FGF13: variants seen among roughly 807,000 people sequenced by gnomAD.
FGF13 encodes fibroblast growth factor 13, also known as fibroblast growth factor homologous factor 2.
A neutral mutation model predicts 19.5 loss-of-function variants in FGF13; 2 were observed. The ratio of observed to expected loss-of-function variants is 0.10; its 90% CI spans 0.04 to 0.32. The LOEUF (loss-of-function observed/expected upper bound fraction) is 0.32. Ranked by LOEUF, FGF13 falls within the 10% of genes least tolerant of loss-of-function variation. The pLI is 1.00. For synonymous variants in FGF13, 72 were observed against 76.9 expected (o/e 0.94, Z 0.33); for missense variants, 113 against 192.7 (o/e 0.59, Z 2.45).
intron 1 of FGF13, among the ~76,000 whole-genome samples, chrX:139,155,107 C>G (rs904193897): frequency 8.1e-5 from 9 of 111,254 alleles, no homozygotes; most frequent in African/African-American, 2.9e-4. Context: ...CCTGCCATCA[C>G]AAGAGTATGC....
At chrX:138,783,807 A>G (rs1163801260) in intron 3 of FGF13, among the ~76,000 whole-genome samples, 12 of 110,142 alleles carry the variant, frequency 1.1e-4, no homozygotes, top group African/African-American at 4.0e-4. Context: ...CAGCCATCCC[A>G]TTACTGGGTA....
chrX:138,696,296 G>C (rs1043963019), intron 3 of FGF13, among the ~76,000 whole-genome samples: 1 of 112,181 alleles, frequency 8.9e-6, no homozygotes, highest in Non-Finnish European at 1.9e-5. Context: ...AATCCATAGA[G>C]AGACAAAGTA....
chrX:139,154,147 G>A (rs1295319487), intron 1 of FGF13, among the ~76,000 whole-genome samples: 1 of 111,594 alleles, frequency 9.0e-6, no homozygotes, highest in Non-Finnish European at 1.9e-5. Flanking sequence ...AACACCCCAT[G>A]ACTACCCCCT....
At chrX:139,037,914 C>G (rs1210348996) in intron 1 of FGF13, among the ~76,000 whole-genome samples, 1 of 111,679 alleles carries the variant, frequency 9.0e-6, no homozygotes, top group African/African-American at 3.3e-5. Flanking sequence ...CTCTCTGGAT[C>G]TATACTCCAC....
chrX:138,885,735 C>G (rs2091448469), intron 1 of FGF13, among the ~76,000 whole-genome samples: 2 of 109,007 alleles, frequency 1.8e-5, no homozygotes, highest in Non-Finnish European at 3.8e-5. Flanking sequence ...ATTACGGCCC[C>G]TCTTGAATGT....
chrX:138,762,012 C>T (rs758873106), intron 3 of FGF13, among the ~76,000 whole-genome samples: 19 of 108,586 alleles, frequency 1.7e-4, no homozygotes, highest in Non-Finnish European at 3.6e-4. Context: ...CCTCTGCAGT[C>T]CAGTATAGTG....
At chrX:138,908,598 A>T (rs2091571796) in intron 1 of FGF13, among the ~76,000 whole-genome samples, 1 of 110,573 alleles carries the variant, frequency 9.0e-6, no homozygotes, top group Non-Finnish European at 1.9e-5. Flanking sequence ...CTGTGCTGCT[A>T]ATGAAGTTTT....
chrX:139,131,382 G>GTTGT (rs1381957075), intron 1 of FGF13, among the ~76,000 whole-genome samples: 6 of 91,447 alleles, frequency 6.6e-5, no homozygotes, highest in South Asian at 6.3e-4. Flanking sequence ...AATATAGAGG[G>GTTGT]GTGTGTGTGT....
chrX:138,816,633 T>C (rs774990725), intron 3 of FGF13, among the ~76,000 whole-genome samples: 3 of 112,791 alleles, frequency 2.7e-5, no homozygotes, highest in South Asian at 3.7e-4. Flanking sequence ...CTTTAACAAA[T>C]GATTTGTTTT....
intron 1 of FGF13, among the ~76,000 whole-genome samples, chrX:139,103,350 C>T (rs1034977623): frequency 1.2e-4 from 14 of 112,100 alleles, no homozygotes; most frequent in Middle Eastern, 4.6e-3. Context: ...AGTCATCAAA[C>T]GGAATGAGGT....
At chrX:138,810,010 C>G (rs2090907735) in intron 3 of FGF13, among the ~76,000 whole-genome samples, 1 of 111,618 alleles carries the variant, frequency 9.0e-6, no homozygotes, top group African/African-American at 3.3e-5. Context: ...TGAAAATGGC[C>G]ATACTGCCCA....
intron 1 of FGF13, among the ~76,000 whole-genome samples, chrX:139,188,373 T>C (rs771696877): frequency 5.3e-5 from 6 of 112,223 alleles, no homozygotes; most frequent in Non-Finnish European, 1.1e-4. Context: ...CAAATGACAA[T>C]CCCTTTGGGA....
At chrX:139,180,182 C>T (rs2084227636) in intron 1 of FGF13, among the ~76,000 whole-genome samples, 1 of 112,162 alleles carries the variant, frequency 8.9e-6, no homozygotes, top group South Asian at 3.7e-4. Flanking sequence ...CATGTCTCCT[C>T]TGAATGCCTC....
At chrX:139,025,066 C>T (rs1313247288) in intron 1 of FGF13, among the ~76,000 whole-genome samples, 1 of 110,798 alleles carries the variant, frequency 9.0e-6, no homozygotes, top group Non-Finnish European at 1.9e-5. Flanking sequence ...TCTTTCCTGC[C>T]CTGCCTGGAT....
chrX:138,958,621 G>A (rs1194982747), intron 1 of FGF13, among the ~76,000 whole-genome samples: 1 of 111,778 alleles, frequency 8.9e-6, no homozygotes, highest in African/African-American at 3.3e-5. Flanking sequence ...TGTACCTCTG[G>A]TAGAATTCAG....
chrX:139,190,140 T>C (rs905795244), intron 1 of FGF13, among the ~76,000 whole-genome samples: 1 of 111,864 alleles, frequency 8.9e-6, no homozygotes, highest in Non-Finnish European at 1.9e-5. Flanking sequence ...AGCTTATTAA[T>C]AACAGCCACC....
chrX:138,807,355 T>G (rs184446462), intron 3 of FGF13, among the ~76,000 whole-genome samples: 1 of 111,241 alleles, frequency 9.0e-6, no homozygotes, highest in African/African-American at 3.3e-5. Flanking sequence ...GCTTCATAAG[T>G]GAAGGAGAAA....
At chrX:138,997,698 T>C (rs750406201) in intron 1 of FGF13, among the ~76,000 whole-genome samples, 1 of 112,004 alleles carries the variant, frequency 8.9e-6, no homozygotes, top group Non-Finnish European at 1.9e-5. Flanking sequence ...AGACCAAATA[T>C]ATGTTTGATT....
chrX:138,763,191 G>A (rs2090479523), intron 3 of FGF13, among the ~76,000 whole-genome samples: 1 of 110,515 alleles, frequency 9.0e-6, no homozygotes. Context: ...AAAGCATGCT[G>A]TGAGTTAAGC....
Sources: gnomAD v4.1 joint callset for allele counts (sites outside exome capture counted in the v4.1 genomes callset) on GRCh38, gnomAD v4.1.1 for gene constraint, MANE v1.5 for transcripts, NCBI Gene and HGNC (gene_info 2026-07-23, HGNC 2026-07-21) for gene names.